Variants in IGSF21 observed in about 807,000 individuals in gnomAD.
The protein encoded by IGSF21 is immunoglobin superfamily member 21, also known as immunoglobulin superfamily member 21.
In IGSF21, 28 loss-of-function variants were observed where a neutral mutation model predicts 46.8. The ratio of observed to expected loss-of-function variants is 0.60; its 90% confidence interval spans 0.44 to 0.82. The LOEUF (loss-of-function observed/expected upper bound fraction) is 0.82. IGSF21 is among the 40% of genes least tolerant of loss of function. The pLI is 0.00. For missense variants in IGSF21, 624 were observed against 665.5 expected (o/e 0.94, Z 0.69); for synonymous variants, 284 against 273.6 (o/e 1.04, Z -0.38).
At chr1:18,195,184 A>C (rs764930542) in intron 1 of IGSF21, among the ~76,000 whole-genome samples, 3 of 152,202 alleles carry the variant, frequency 2.0e-5, no homozygotes, top group Non-Finnish European at 4.4e-5. Context: ...CCAGAAAGTA[A>C]AGAAACTTAC....
At chr1:18,361,980 C>G (rs1325110361) in intron 4 of IGSF21, 135 bp from the exon 5 acceptor site, 1 of 626,626 alleles carries the variant, frequency 1.6e-6, no homozygotes, top group African/African-American at 1.8e-5. Context: ...CAATGGCACC[C>G]CCTGGAGTTT....
At chr1:18,367,687 A>G (rs2086181845) in intron 6 of IGSF21, among the ~76,000 whole-genome samples, 1 of 143,766 alleles carries the variant, frequency 7.0e-6, no homozygotes, top group Non-Finnish European at 1.5e-5. Flanking sequence ...GCTCACTGCA[A>G]CCTCAGCCTC....
At chr1:18,152,315 C>T (rs192687015) in intron 1 of IGSF21, among the ~76,000 whole-genome samples, 5 of 152,308 alleles carry the variant, frequency 3.3e-5, no homozygotes, top group East Asian at 3.9e-4. Context: ...GTTTTAACTG[C>T]GTTCCACTGC....
At chr1:18,231,162 C>G (rs1187246656) in intron 2 of IGSF21, among the ~76,000 whole-genome samples, 3 of 152,186 alleles carry the variant, frequency 2.0e-5, no homozygotes, top group Non-Finnish European at 4.4e-5. Context: ...ACAGTGGGCA[C>G]AAAATGGCCC....
At chr1:18,249,086 G>A (rs1003578278) in intron 2 of IGSF21, among the ~76,000 whole-genome samples, 3 of 152,208 alleles carry the variant, frequency 2.0e-5, no homozygotes, top group Admixed American at 1.3e-4. Flanking sequence ...CAGGGAGGAG[G>A]AAAGGAATGG....
intron 2 of IGSF21, among the ~76,000 whole-genome samples, chr1:18,265,516 A>T (rs998702360): frequency 2.0e-5 from 3 of 152,200 alleles, no homozygotes; most frequent in Admixed American, 2.0e-4. Flanking sequence ...ACATAAATCC[A>T]GCTCAAACCC....
At chr1:18,270,598 G>C (rs535922251) in intron 2 of IGSF21, among the ~76,000 whole-genome samples, 1 of 152,196 alleles carries the variant, frequency 6.6e-6, no homozygotes, top group South Asian at 2.1e-4. Context: ...GACTCTTCTT[G>C]GATGCTCAGA....
chr1:18,116,201 A>C (rs775664944), intron 1 of IGSF21, among the ~76,000 whole-genome samples: 4 of 152,126 alleles, frequency 2.6e-5, no homozygotes, highest in Non-Finnish European at 4.4e-5. Context: ...GAGTATTCAC[A>C]CAATGGAAAT....
chr1:18,129,479 G>A (rs538847066), intron 1 of IGSF21, among the ~76,000 whole-genome samples: 68 of 152,156 alleles, frequency 4.5e-4, no homozygotes, highest in Non-Finnish European at 7.8e-4. Context: ...GTTCAACCAC[G>A]CCACCTCGAT....
chr1:18,214,603 A>C (rs555299978), intron 1 of IGSF21, among the ~76,000 whole-genome samples: 81 of 152,184 alleles, frequency 5.3e-4, no homozygotes, highest in Non-Finnish European at 5.3e-4. Context: ...ATTGACTCAC[A>C]GTTCTGCATG....
chr1:18,253,974 C>T (rs952407566), intron 2 of IGSF21, among the ~76,000 whole-genome samples: 2 of 152,212 alleles, frequency 1.3e-5, no homozygotes, highest in African/African-American at 4.8e-5. Flanking sequence ...GGCTGAGGGG[C>T]TAATCCTCAG....
chr1:18,221,528 T>C (rs1303103029), intron 1 of IGSF21, among the ~76,000 whole-genome samples: 1 of 151,998 alleles, frequency 6.6e-6, no homozygotes, highest in Non-Finnish European at 1.5e-5. Context: ...AGTTCCTGGG[T>C]GTAGGAGCTA....
Position 18,316,589 on chromosome 1 carries a change from T to G in IGSF21, c.306-18303T>G, listed in dbSNP as rs922903207. 3.9e-5 allele frequency among the ~76,000 whole-genome samples: 6 copies of G among 152,350 alleles called. No individual in the cohort carries two copies. The East Asian group carries it at 5.8e-4, about 15-fold the overall frequency. On this transcript the variant is annotated intron_variant, in intron 3 of 9. Coordinates refer to ENST00000251296, the MANE Select transcript of IGSF21 (RefSeq NM_032880.5). ...GCAACCCCTGTCCCTAGGTCCCAGC[T>G]GTAGTCTGTCTCTGGGATGCCAATT...
intron 1 of IGSF21, among the ~76,000 whole-genome samples, chr1:18,166,257 C>T (rs1022033827): frequency 6.6e-6 from 1 of 152,154 alleles, no homozygotes; most frequent in Admixed American, 6.5e-5. Context: ...TGCAGTATAG[C>T]CTCCTCAAGT....
chr1:18,143,698 C>T (rs942088074), intron 1 of IGSF21, among the ~76,000 whole-genome samples: 21 of 152,234 alleles, frequency 1.4e-4, no homozygotes, highest in African/African-American at 4.8e-4. Context: ...CCCTGGATTT[C>T]GTGTCTTTCA....
intron 3 of IGSF21, among the ~76,000 whole-genome samples, chr1:18,332,836 G>A (rs1008500): frequency 0.03 from 4,616 of 152,256 alleles, 148 homozygotes; most frequent in African/African-American, 0.084. Context: ...GTGGTGGGAG[G>A]GATGGGCTGG....
intron 1 of IGSF21, among the ~76,000 whole-genome samples, chr1:18,172,022 T>A (rs2086741895): frequency 6.6e-6 from 1 of 152,200 alleles, no homozygotes; most frequent in South Asian, 2.1e-4. Flanking sequence ...CAGGATTGTG[T>A]CTGCAGTTGA....
Position 18,227,939 on chromosome 1 carries a change from G to T in IGSF21, c.112G>T (p.Ala38Ser), listed in dbSNP as rs764267232. 4 of 1,614,054 alleles carry T rather than the reference G, an allele frequency of 2.5e-6. No homozygotes were observed. The Admixed American group carries it at 6.7e-5, about 27-fold the overall frequency. Residue 38 changes from alanine to serine, a missense_variant, in exon 2 of 10, where the codon GCT becomes TCT. Physicochemically the swap from Ala to Ser is moderately conservative, Grantham distance 99. Coordinates refer to ENST00000251296, the MANE Select transcript of IGSF21 (RefSeq NM_032880.5). ...CATTGAGCCTCTCCCCCCTGTGGTG[G>T]CTGGAGACGCCGTGACTTTGAAGTG... is the stretch of plus-strand genomic sequence containing the variant. ...VNIEPLPPVV[A>S]GDAVTLKCNF...
intron 3 of IGSF21, among the ~76,000 whole-genome samples, chr1:18,324,382 G>C (rs1040044928): frequency 2.0e-5 from 3 of 152,202 alleles, no homozygotes; most frequent in African/African-American, 7.2e-5. Flanking sequence ...CTCCACATCC[G>C]CCTCTGGATG....
Sources: gnomAD v4.1 joint callset for allele counts (sites outside exome capture counted in the v4.1 genomes callset) on GRCh38, gnomAD v4.1.1 for gene constraint, MANE v1.5 for transcripts, NCBI Gene and HGNC (gene_info 2026-07-23, HGNC 2026-07-21) for gene names.